DSCAM: variants seen among roughly 807,000 people sequenced by gnomAD.
DSCAM encodes the protein cell adhesion molecule DSCAM.
DSCAM carries 47 observed loss-of-function variants against 217.7 expected under a neutral mutation model. That is an observed-to-expected ratio of 0.22 (90% CI 0.17 to 0.28). DSCAM has a LOEUF of 0.28. Ranked by LOEUF, DSCAM falls within the 10% of genes least tolerant of loss-of-function variation. DSCAM has a pLI of 1.00. For missense variants in DSCAM, 2,080 were observed against 2,618.3 expected, an observed-to-expected ratio of 0.79 and a Z score of 4.49; for synonymous variants, 1,056 against 1,015.3, an observed-to-expected ratio of 1.04 and a Z score of -0.76.
intron 19 of DSCAM, among the ~76,000 whole-genome samples, chr21:40,130,985 C>T (rs770680806): frequency 1.3e-5 from 2 of 152,184 alleles, no homozygotes; most frequent in Non-Finnish European, 2.9e-5. Flanking sequence ...TATCTTTCTT[C>T]GCTTGCAAGA....
intron 3 of DSCAM, among the ~76,000 whole-genome samples, chr21:40,660,459 C>T (rs186372720): frequency 6.6e-6 from 1 of 152,288 alleles, no homozygotes; most frequent in East Asian, 1.9e-4. Context: ...TGCAATCCCA[C>T]AATCCAAAAA....
intron 3 of DSCAM, among the ~76,000 whole-genome samples, chr21:40,601,462 A>C (rs989220244): frequency 6.6e-6 from 1 of 152,166 alleles, no homozygotes; most frequent in Non-Finnish European, 1.5e-5. Context: ...GTGAACAAGG[A>C]CAATTTTATT....
chr21:40,804,218 T>C (rs2091767057), intron 1 of DSCAM, among the ~76,000 whole-genome samples: 1 of 152,200 alleles, frequency 6.6e-6, no homozygotes, highest in African/African-American at 2.4e-5. Flanking sequence ...GCCTTGCTGA[T>C]GGAGTGTGGT....
At chr21:40,691,306 T>C (rs1049196143) in intron 3 of DSCAM, among the ~76,000 whole-genome samples, 2 of 152,212 alleles carry the variant, frequency 1.3e-5, no homozygotes, top group Non-Finnish European at 2.9e-5. Context: ...GAGCAGACCA[T>C]GAAGCTGAAA....
At chr21:40,719,847 A>G (rs997404001) in intron 1 of DSCAM, among the ~76,000 whole-genome samples, 1 of 152,198 alleles carries the variant, frequency 6.6e-6, no homozygotes, top group Non-Finnish European at 1.5e-5. Flanking sequence ...GGTGCAGGCT[A>G]TGTTCTTTTT....
rs141294675 is a variant in DSCAM at position 40,090,673 on chromosome 21, C to T, written c.3850+3048G>A. 1.1e-4 allele frequency among the ~76,000 whole-genome samples: 17 copies of T among 152,256 alleles called. 1 individual carries two copies. The highest frequency in any genetic ancestry group is 3.9e-4 in the Admixed American group (6 of 15,302). On this transcript the variant is annotated intron_variant, in intron 21 of 32. Coordinates refer to ENST00000400454, the MANE Select transcript of DSCAM (RefSeq NM_001389.5). Reference sequence around the variant, plus strand: ...CCTGCTCCCACTCCCTTTGAGAGTCCGTCCTGCACCTTCATCTCTCCTCCA... The same window carrying T: ...CCTGCTCCCACTCCCTTTGAGAGTCTGTCCTGCACCTTCATCTCTCCTCCA...
chr21:40,538,232 G>C (rs1432528858), intron 3 of DSCAM, among the ~76,000 whole-genome samples: 1 of 152,098 alleles, frequency 6.6e-6, no homozygotes, highest in Non-Finnish European at 1.5e-5. Flanking sequence ...TCAAGAGATG[G>C]GGTGTTAGTG....
chr21:40,829,931 G>A (rs1413106967), intron 1 of DSCAM, among the ~76,000 whole-genome samples: 1 of 152,080 alleles, frequency 6.6e-6, no homozygotes, highest in Non-Finnish European at 1.5e-5. Context: ...TTCTCATATT[G>A]CCACATTTTT....
intron 3 of DSCAM, among the ~76,000 whole-genome samples, chr21:40,510,117 C>T (rs1399055447): frequency 6.6e-6 from 1 of 152,074 alleles, no homozygotes; most frequent in East Asian, 1.9e-4. Flanking sequence ...GAGCGAGACT[C>T]CATCTCATAA....
chr21:40,489,654 A>G (rs2076058630), intron 3 of DSCAM, among the ~76,000 whole-genome samples: 1 of 151,180 alleles, frequency 6.6e-6, no homozygotes, highest in Non-Finnish European at 1.5e-5. Flanking sequence ...AGGCGCCTGT[A>G]GTCCCAGCTA....
rs187009047 is a variant in DSCAM at position 40,299,971 on chromosome 21, G to A, written c.2063-3797C>T. 1.2e-4 allele frequency among the ~76,000 whole-genome samples: 18 copies of A among 152,226 alleles called. No homozygotes were observed. In the East Asian group the frequency reaches 3.5e-3, roughly 30 times the overall value. On this transcript the variant is annotated intron_variant, in intron 9 of 32. Transcript: ENST00000400454. ...AGTGAGCATTTCCTGAGTACTCAGT[G>A]GGTTTCACGTACTCCTAGTTCCATC...
At chr21:40,227,959 G>A (rs983522076) in intron 11 of DSCAM, among the ~76,000 whole-genome samples, 3 of 152,112 alleles carry the variant, frequency 2.0e-5, no homozygotes, top group African/African-American at 7.2e-5. Flanking sequence ...GTCTTCTTAA[G>A]CTCCTCTGTA....
At chr21:40,290,604 G>A (rs948045197) in intron 10 of DSCAM, among the ~76,000 whole-genome samples, 1 of 152,180 alleles carries the variant, frequency 6.6e-6, no homozygotes, top group South Asian at 2.1e-4. Context: ...CTGGGCAACA[G>A]AGCGAGACTC....
chr21:40,123,041 T>A (rs2090051872), intron 20 of DSCAM, among the ~76,000 whole-genome samples: 1 of 152,196 alleles, frequency 6.6e-6, no homozygotes, highest in African/African-American at 2.4e-5. Flanking sequence ...AACGAGCTGG[T>A]CACTAAATGA....
At chr21:40,763,697 C>T (rs898009667) in intron 1 of DSCAM, among the ~76,000 whole-genome samples, 3 of 152,170 alleles carry the variant, frequency 2.0e-5, no homozygotes, top group Non-Finnish European at 4.4e-5. Flanking sequence ...TCAAAATATA[C>T]TACAAGTCTA....
At chr21:40,222,143 T>G (rs2146905521) in intron 11 of DSCAM, among the ~76,000 whole-genome samples, 1 of 152,308 alleles carries the variant, frequency 6.6e-6, no homozygotes, top group East Asian at 1.9e-4. Context: ...TAATTCGATT[T>G]TAGAAAACTT....
chr21:40,048,018 G>A (rs1478523609), intron 30 of DSCAM, among the ~76,000 whole-genome samples: 4 of 152,182 alleles, frequency 2.6e-5, no homozygotes, highest in African/African-American at 9.7e-5. Context: ...TAGAATGACT[G>A]AGAGTGAGAG....
At chr21:40,580,258 C>A (rs73366965) in intron 3 of DSCAM, among the ~76,000 whole-genome samples, 2 of 151,734 alleles carry the variant, frequency 1.3e-5, no homozygotes, top group African/African-American at 4.8e-5. Context: ...GAGGCCTGGT[C>A]GGGGTGGCTC....
chr21:40,295,408 A>G (rs2073943140), intron 10 of DSCAM, among the ~76,000 whole-genome samples: 1 of 152,146 alleles, frequency 6.6e-6, no homozygotes, highest in South Asian at 2.1e-4. Flanking sequence ...CATGTCATAC[A>G]TTTCTACTTG....
Sources: gnomAD v4.1 joint callset for allele counts (sites outside exome capture counted in the v4.1 genomes callset) on GRCh38, gnomAD v4.1.1 for gene constraint, MANE v1.5 for transcripts, NCBI Gene and HGNC (gene_info 2026-07-23, HGNC 2026-07-21) for gene names.